Variants in MAP7 observed in about 807,000 individuals in gnomAD.
The protein encoded by MAP7 is ensconsin.
A neutral mutation model predicts 94.8 loss-of-function variants in MAP7; 52 were observed. That is an observed-to-expected ratio of 0.55 (90% CI 0.44 to 0.69). MAP7 has a LOEUF of 0.69. Among genes scored for constraint, MAP7 ranks in the 30% least tolerant of loss-of-function variants. The pLI, the probability that MAP7 is intolerant of heterozygous loss-of-function variation, is 0.00. For synonymous variants in MAP7, 350 were observed against 357.0 expected (o/e 0.98, Z 0.22); for missense variants, 940 against 964.6 (o/e 0.97, Z 0.34).
intron 8 of MAP7, among the ~76,000 whole-genome samples, chr6:136,370,753 G>C (rs1774214303): frequency 6.6e-6 from 1 of 152,088 alleles, no homozygotes; most frequent in Admixed American, 6.5e-5. Flanking sequence ...CCAGGGCCTG[G>C]GGGGAGGGGG....
chr6:136,359,482 TTA>T (rs1791912997), intron 15 of MAP7, among the ~76,000 whole-genome samples: 1 of 152,198 alleles, frequency 6.6e-6, no homozygotes, highest in South Asian at 2.1e-4. Flanking sequence ...TAAATGAAAT[TTA>T]GTTTTATAAA....
chr6:136,495,933 G>C (rs1278733819), intron 1 of MAP7, among the ~76,000 whole-genome samples: 1 of 152,172 alleles, frequency 6.6e-6, no homozygotes, highest in Admixed American at 6.5e-5. Flanking sequence ...AAAGCTGAAA[G>C]TCCCCTCAAA....
chr6:136,531,765 T>C (rs1012436983), intron 1 of MAP7, among the ~76,000 whole-genome samples: 3 of 122,126 alleles, frequency 2.5e-5, no homozygotes, highest in African/African-American at 1.1e-4. Flanking sequence ...TCTAGCAGTG[T>C]GAAAAACTTA....
intron 16 of MAP7, among the ~76,000 whole-genome samples, chr6:136,353,806 G>A (rs1213542177): frequency 2.6e-5 from 4 of 152,114 alleles, no homozygotes; most frequent in African/African-American, 9.7e-5. Flanking sequence ...TCCCACCTTG[G>A]CCTCCCAGAG....
At position 136,365,838 on chromosome 6, in the gene MAP7, C is replaced by T; in HGVS notation, c.1170G>A (p.Gln390=). ...TTAGTGAGGGCTCATTGGCAACTTT[C>T]TGAGGTTCCTTCTCAGGATCTTTCT... ...PEKKDPEKEP[Q]KVANEPSLKG... Residue 390 remains glutamine, a synonymous_variant, in exon 10 of 18, where the codon CAG becomes CAA. Transcript: ENST00000354570. 1 of 1,614,154 alleles carries T rather than the reference C, an allele frequency of 6.2e-7. No homozygotes were observed. Among genetic ancestry groups the T allele is most frequent in the Non-Finnish European group, 8.5e-7 (1 of 1,180,038 alleles).
At chr6:136,380,075 G>C (rs1777320219) in intron 6 of MAP7, among the ~76,000 whole-genome samples, 1 of 152,094 alleles carries the variant, frequency 6.6e-6, no homozygotes, top group Non-Finnish European at 1.5e-5. Context: ...AAACCGAAGG[G>C]AGAGATATTA....
intron 1 of MAP7, among the ~76,000 whole-genome samples, chr6:136,464,136 T>C (rs1269889585): frequency 2.0e-5 from 3 of 152,228 alleles, no homozygotes; most frequent in African/African-American, 4.8e-5. Flanking sequence ...TCAATTTAAC[T>C]ATCTTTCATG....
intron 1 of MAP7, among the ~76,000 whole-genome samples, chr6:136,536,249 G>T (rs571863268): frequency 4.1e-4 from 62 of 151,720 alleles, no homozygotes; most frequent in African/African-American, 1.5e-3. Flanking sequence ...TTTGTTTTTT[G>T]TTTTTTTCCA....
intron 1 of MAP7, among the ~76,000 whole-genome samples, chr6:136,516,112 G>A (rs1824736675): frequency 6.6e-6 from 1 of 152,074 alleles, no homozygotes; most frequent in Non-Finnish European, 1.5e-5. Context: ...AGTAAGAAAG[G>A]GCCTAGAATC....
In MAP7 at chr6:136,389,366, A is replaced by T; in HGVS notation, c.396T>A (p.Leu132=). 6.5e-7 allele frequency: 1 copy of T among 1,546,740 alleles called. No homozygotes were observed. The highest frequency in any genetic ancestry group is 8.7e-7 in the Non-Finnish European group (1 of 1,153,162). Residue 132 remains leucine (L), a synonymous_variant, in exon 4 of 18, where the codon CTT becomes CTA. Transcript: ENST00000354570. ...GGGGGCGGCTCACTTTGTCCTCCTC[A>T]AGTCTCTGCCTCCGCTTCTCCTCCA... ...AAVEEKRRQR[L]EEDKERHEAV... is the part of the protein sequence containing the mutation.
At chr6:136,396,587 T>C (rs565039516) in intron 3 of MAP7, among the ~76,000 whole-genome samples, 1 of 152,316 alleles carries the variant, frequency 6.6e-6, no homozygotes, top group South Asian at 2.1e-4. Flanking sequence ...TCTTTTTGTG[T>C]GTGCTCTCCA....
intron 1 of MAP7, among the ~76,000 whole-genome samples, chr6:136,439,727 G>C (rs1797313288): frequency 6.6e-6 from 1 of 152,066 alleles, no homozygotes; most frequent in South Asian, 2.1e-4. Flanking sequence ...AGATCTCCTA[G>C]TTCAGAATTA....
At chr6:136,410,021 T>G (rs896175555) in intron 3 of MAP7, among the ~76,000 whole-genome samples, 1 of 152,184 alleles carries the variant, frequency 6.6e-6, no homozygotes, top group Non-Finnish European at 1.5e-5. Flanking sequence ...CTTTATAGTA[T>G]AAGTAAAGTC....
intron 1 of MAP7, among the ~76,000 whole-genome samples, chr6:136,452,725 G>A (rs1019411051): frequency 6.6e-6 from 1 of 151,988 alleles, no homozygotes; most frequent in East Asian, 1.9e-4. Flanking sequence ...GCTAATTTTT[G>A]TATTTTTAGT....
At chr6:136,436,954 T>G (rs566082091) in intron 1 of MAP7, among the ~76,000 whole-genome samples, 2 of 152,224 alleles carry the variant, frequency 1.3e-5, no homozygotes, top group Non-Finnish European at 2.9e-5. Context: ...TTAAAAATGA[T>G]ACAAATGTGA....
chr6:136,345,315 T>G (rs1787362588), intron 17 of MAP7, among the ~76,000 whole-genome samples: 1 of 152,222 alleles, frequency 6.6e-6, no homozygotes, highest in Non-Finnish European at 1.5e-5. Flanking sequence ...GTGTGAGTAC[T>G]GGTTTCATCA....
chr6:136,464,779 A>T (rs1427040891), intron 1 of MAP7, among the ~76,000 whole-genome samples: 1 of 152,198 alleles, frequency 6.6e-6, no homozygotes, highest in Admixed American at 6.5e-5. Context: ...CATTAATTTG[A>T]TAATTAAGTG....
chr6:136,522,515 A>G (rs1277128423), intron 1 of MAP7, among the ~76,000 whole-genome samples: 1 of 152,190 alleles, frequency 6.6e-6, no homozygotes, highest in African/African-American at 2.4e-5. Flanking sequence ...ATTAGCCAGG[A>G]TAATCCTGAA....
chr6:136,433,630 G>C (rs941478212), intron 1 of MAP7, among the ~76,000 whole-genome samples: 1 of 152,226 alleles, frequency 6.6e-6, no homozygotes, highest in Non-Finnish European at 1.5e-5. Flanking sequence ...TTAAAAGCAA[G>C]GTTTGTTCCA....
Sources: allele counts gnomAD v4.1 joint callset (sites outside exome capture counted in the v4.1 genomes callset), GRCh38; gene constraint gnomAD v4.1.1; transcripts MANE v1.5; gene names NCBI Gene and HGNC (gene_info 2026-07-23, HGNC 2026-07-21).